The following RHEX variants were observed in gnomAD, a reference collection of about 807,000 sequenced individuals.
RHEX encodes the protein regulator of hemoglobinization and erythroid cell expansion protein.
In RHEX, 18 loss-of-function variants were observed where a neutral mutation model predicts 20.1. That is an observed-to-expected ratio of 0.90 (90% CI 0.62 to 1.33). The LOEUF (loss-of-function observed/expected upper bound fraction) is 1.33, where lower values mean the gene tolerates loss of function less well. RHEX is among the 40% of genes most tolerant of loss of function. RHEX has a pLI of 0.00. For synonymous variants in RHEX, 87 were observed against 77.1 expected (o/e 1.13, Z -0.67); for missense variants, 192 against 214.3 (o/e 0.90, Z 0.65).
Position 206,097,840 on chromosome 1 carries a change from G to A in RHEX, c.11+1G>A. ...GCAAGGAGCTCATCATGCTGACAGA[G>A]TGAGTGGGCCCAACAAGAGCAGGAG... On this transcript the variant is annotated splice_donor_variant, in intron 2 of 5. Transcript: ENST00000331555. LOFTEE classifies it high-confidence loss of function. The A allele has an allele frequency of 1.2e-6, 2 of 1,603,460 alleles. No homozygotes were observed. The highest frequency in any genetic ancestry group is 1.7e-6 in the Non-Finnish European group (2 of 1,170,222).
At position 206,096,170 on chromosome 1, in the gene RHEX, T is replaced by C. The variant is rs557155819; in HGVS notation, c.-96-1563T>C. Among the ~76,000 whole-genome samples the C allele has an allele frequency of 2.0e-4, 30 of 152,334 alleles. No individual in the cohort carries two copies. The South Asian group carries it at 6.2e-3, about 32-fold the overall frequency. On this transcript the variant is annotated intron_variant, in intron 1 of 5. Coordinates refer to ENST00000331555, the MANE Select transcript of RHEX (RefSeq NM_001007544.4). ...TTCTAAAACGTGTTGCTCATTCATA[T>C]TTTTAATTCTTTGACTACAAATGTC... is the stretch of plus-strand genomic sequence containing the variant.
rs782360608 is a variant in RHEX at position 206,101,171 on chromosome 1, T to C, written c.292T>C (p.Ser98Pro). ...SDTPSDSLDSSCSSPPACQAT... is the reference protein window; with the variant it reads ...SDTPSDSLDSPCSSPPACQAT... ...CACACCCTCAGATAGCTTGGATAGC[T>C]CCTGCAGTTCGCCTCCTGCCTGCCA... is the stretch of plus-strand genomic sequence containing the variant. The change falls in exon 5 of 6, where the codon TCC (serine) becomes CCC (proline). Residue 98 changes from serine (S) to proline (P), a missense_variant. Transcript: ENST00000331555. The C allele has an allele frequency of 2.5e-6, 4 of 1,613,144 alleles. No individual in the cohort carries two copies. In the South Asian group the frequency reaches 4.4e-5, roughly 18 times the overall value.
intron 1 of RHEX, among the ~76,000 whole-genome samples, chr1:206,080,701 G>C (rs574802859): frequency 6.6e-6 from 1 of 152,266 alleles, no homozygotes; most frequent in South Asian, 2.1e-4. Context: ...CAGAGATAAG[G>C]GGGCCACATG....
chr1:206,089,598 C>A (rs534212429), intron 1 of RHEX, among the ~76,000 whole-genome samples: 15 of 151,782 alleles, frequency 9.9e-5, no homozygotes, highest in Non-Finnish European at 2.2e-4. Context: ...TTGGTCTGTT[C>A]TGGATTGTTT....
chr1:206,095,873 CA>C (rs1663056640), intron 1 of RHEX, among the ~76,000 whole-genome samples: 1 of 152,028 alleles, frequency 6.6e-6, no homozygotes, highest in South Asian at 2.1e-4. Flanking sequence ...CTCTGTCACC[CA>C]GACTGGAGTG....
intron 1 of RHEX, among the ~76,000 whole-genome samples, chr1:206,086,374 G>A (rs976083893): frequency 2.6e-5 from 4 of 151,924 alleles, no homozygotes; most frequent in Admixed American, 1.3e-4. Context: ...TGAAGAATGG[G>A]GTCTCACTAT....
At chr1:206,087,585 C>T (rs1662864465) in intron 1 of RHEX, among the ~76,000 whole-genome samples, 1 of 152,182 alleles carries the variant, frequency 6.6e-6, no homozygotes, top group Admixed American at 6.5e-5. Flanking sequence ...TTCACACCAT[C>T]AAGAGTATTT....
intron 1 of RHEX, among the ~76,000 whole-genome samples, chr1:206,089,578 C>T (rs1553286764): frequency 1.3e-5 from 2 of 152,080 alleles, no homozygotes; most frequent in Non-Finnish European, 2.9e-5. Flanking sequence ...AGCTCTTTTG[C>T]ATAATAGCTT....
chr1:206,078,097 G>T (rs1158725062), intron 1 of RHEX, among the ~76,000 whole-genome samples: 7 of 152,154 alleles, frequency 4.6e-5, no homozygotes, highest in Admixed American at 2.6e-4. Flanking sequence ...AGAAACATAA[G>T]TGAATTTCGT....
In RHEX at chr1:206,067,962, A is replaced by G. The variant is rs1662460570; in HGVS notation, c.-97+14697A>G. Among the ~76,000 whole-genome samples the G allele has an allele frequency of 6.6e-6, 1 of 152,220 alleles. No homozygotes were observed. Among genetic ancestry groups the G allele is most frequent in the Non-Finnish European group, 1.5e-5 (1 of 68,042 alleles). ...GAATGGTTCACATCGATAAGAAAATACGTACTCCATGGCTCCATTCCACTT... is the reference window on the plus strand; with the variant it reads ...GAATGGTTCACATCGATAAGAAAATGCGTACTCCATGGCTCCATTCCACTT... On this transcript the variant is annotated intron_variant, in intron 1 of 5. Transcript: ENST00000331555. The surrounding 1 kb of genome is among the most constrained non-coding windows in gnomAD (Gnocchi z 4.6).
chr1:206,064,001 G>A (rs1461174599), intron 1 of RHEX, among the ~76,000 whole-genome samples: 1 of 150,458 alleles, frequency 6.6e-6, no homozygotes, highest in African/African-American at 2.5e-5. Context: ...GTCTCTGCCC[G>A]GCCGCCCATC....
intron 3 of RHEX, 66 bp downstream of exon 3, chr1:206,098,247 G>A: frequency 2.5e-6 from 3 of 1,209,548 alleles, no homozygotes; most frequent in Non-Finnish European, 3.7e-6. Context: ...CCTCCAGCAG[G>A]ACAAGACCCC....
Position 206,102,382 on chromosome 1 carries a change from T to C in RHEX, c.*430T>C, listed in dbSNP as rs116063093. On this transcript the variant is annotated 3_prime_UTR_variant, in exon 6 of 6. Transcript: ENST00000331555. ...ATCTCATGGTTAAATGACTTCCCTT[T>C]GAGCTCTTTAATTATTGGCAATAAA... The C allele has an allele frequency of 3.6e-3, 594 of 165,476 alleles. 8 individuals carry two copies. The highest frequency in any genetic ancestry group is 0.012 in the African/African-American group (514 of 41,844). The allele number at this position is 165,476 out of a possible 1,614,324, so 10.3% of individuals were successfully genotyped here.
intron 1 of RHEX, among the ~76,000 whole-genome samples, chr1:206,076,828 G>A (rs1401346650): frequency 6.6e-6 from 1 of 152,150 alleles, no homozygotes; most frequent in East Asian, 1.9e-4. Flanking sequence ...CTCCTTATAA[G>A]AATTTTTGAT....
At chr1:206,065,659 A>T (rs1174603652) in intron 1 of RHEX, among the ~76,000 whole-genome samples, 1 of 152,150 alleles carries the variant, frequency 6.6e-6, no homozygotes, top group Non-Finnish European at 1.5e-5. Flanking sequence ...TGGTGAGAGG[A>T]TAGGGACAGG....
intron 1 of RHEX, among the ~76,000 whole-genome samples, chr1:206,084,521 C>T (rs963780256): frequency 9.9e-5 from 15 of 152,158 alleles, no homozygotes; most frequent in African/African-American, 3.4e-4. Flanking sequence ...AATTTCATTA[C>T]AGAAGAGTTA....
chr1:206,087,171 G>C lies in RHEX; in HGVS notation c.-96-10562G>C, dbSNP rs546430422. Among the ~76,000 whole-genome samples the C allele has an allele frequency of 3.3e-5, 5 of 152,248 alleles. No homozygotes were observed. In the East Asian group the frequency reaches 9.6e-4, roughly 29 times the overall value. On this transcript the variant is annotated intron_variant, in intron 1 of 5. Coordinates refer to ENST00000331555, the MANE Select transcript of RHEX (RefSeq NM_001007544.4). ...TACACCTGACCATTTGCCTATACTC[G>C]CTTGTGTGGTCGCTTTGCAGTATAC...
At chr1:206,058,464 T>C (rs1553282893) in intron 1 of RHEX, among the ~76,000 whole-genome samples, 1 of 152,270 alleles carries the variant, frequency 6.6e-6, no homozygotes, top group African/African-American at 2.4e-5. Context: ...TATTGTTTTA[T>C]ATTGTTTTAT....
At chr1:206,097,147 T>G (rs868920672) in intron 1 of RHEX, among the ~76,000 whole-genome samples, 1 of 152,166 alleles carries the variant, frequency 6.6e-6, no homozygotes, top group Non-Finnish European at 1.5e-5. Context: ...TTCTATCCAT[T>G]TGTCTGAGGA....
Sources: gnomAD v4.1 joint callset for allele counts (sites outside exome capture counted in the v4.1 genomes callset) on GRCh38, gnomAD v4.1.1 for gene constraint, Gnocchi (gnomAD v3.1) non-coding constraint, MANE v1.5 for transcripts, NCBI Gene and HGNC (gene_info 2026-07-23, HGNC 2026-07-21) for gene names.